The following CTNNA2 variants were observed in gnomAD, a reference collection of about 807,000 sequenced individuals.
The protein encoded by CTNNA2 is catenin alpha 2, also known as catenin alpha-2.
CTNNA2 carries 42 observed loss-of-function variants against 101.0 expected under a neutral mutation model. The ratio of observed to expected loss-of-function variants is 0.42; its 90% CI spans 0.32 to 0.54. CTNNA2 has a LOEUF of 0.54. Ranked by LOEUF, CTNNA2 falls within the 20% of genes least tolerant of loss-of-function variation. The pLI is 0.14. For missense variants in CTNNA2, 871 were observed against 1,223.1 expected (o/e 0.71, Z 4.29); for synonymous variants, 450 against 456.4 (o/e 0.99, Z 0.18).
At chr2:79,961,594 G>T (rs1005111399) in intron 7 of CTNNA2, among the ~76,000 whole-genome samples, 5 of 151,838 alleles carry the variant, frequency 3.3e-5, no homozygotes, top group African/African-American at 9.7e-5. Flanking sequence ...AGGCTGAGGC[G>T]GGCGGATCAC....
chr2:79,922,399 A>C (rs559230000), intron 7 of CTNNA2, among the ~76,000 whole-genome samples: 6 of 152,246 alleles, frequency 3.9e-5, no homozygotes, highest in African/African-American at 1.4e-4. Context: ...ATTTCACACT[A>C]TTATTCCTGA....
intron 2 of CTNNA2, among the ~76,000 whole-genome samples, chr2:79,659,406 T>C (rs1391131344): frequency 1.3e-5 from 2 of 151,888 alleles, no homozygotes; most frequent in Non-Finnish European, 2.9e-5. Context: ...TATTGATAAA[T>C]GAATACATTT....
chr2:79,960,856 C>T (rs1052555321), intron 7 of CTNNA2, among the ~76,000 whole-genome samples: 11 of 152,038 alleles, frequency 7.2e-5, no homozygotes, highest in African/African-American at 1.4e-4. Flanking sequence ...TTCTCTGGCC[C>T]GTGAGGGTGA....
At chr2:80,538,249 G>A (rs957317206) in intron 9 of CTNNA2, among the ~76,000 whole-genome samples, 3 of 152,106 alleles carry the variant, frequency 2.0e-5, no homozygotes, top group African/African-American at 7.2e-5. Flanking sequence ...TGTCAATTTT[G>A]GCTTTTGTTA....
intron 7 of CTNNA2, among the ~76,000 whole-genome samples, chr2:80,251,574 C>T (rs1191723082): frequency 6.6e-6 from 1 of 152,136 alleles, no homozygotes; most frequent in East Asian, 1.9e-4. Flanking sequence ...GAAAGCCAAC[C>T]AAACCAAAGA....
At chr2:79,695,338 C>T (rs917998583) in intron 2 of CTNNA2, among the ~76,000 whole-genome samples, 4 of 151,842 alleles carry the variant, frequency 2.6e-5, no homozygotes, top group African/African-American at 9.7e-5. Flanking sequence ...GATTTTATTT[C>T]TTATGAAGGG....
At chr2:79,397,721 T>C (rs1325691346) in intron 4 of CTNNA2, among the ~76,000 whole-genome samples, 1 of 152,106 alleles carries the variant, frequency 6.6e-6, no homozygotes, top group Non-Finnish European at 1.5e-5. Flanking sequence ...TGGAGTGCAG[T>C]GGCATGATCA....
chr2:79,577,382 A>T (rs1018859595), intron 1 of CTNNA2, among the ~76,000 whole-genome samples: 1 of 152,136 alleles, frequency 6.6e-6, no homozygotes. Flanking sequence ...TCATGAGATA[A>T]TGATTTATAT....
intron 7 of CTNNA2, among the ~76,000 whole-genome samples, chr2:79,962,169 A>G (rs964988305): frequency 1.3e-5 from 2 of 152,228 alleles, no homozygotes; most frequent in Non-Finnish European, 2.9e-5. Flanking sequence ...ACAAAATACC[A>G]CAATTGGCTG....
At chr2:79,429,757 G>C (rs576375723) in intron 4 of CTNNA2, among the ~76,000 whole-genome samples, 1 of 152,270 alleles carries the variant, frequency 6.6e-6, no homozygotes, top group African/African-American at 2.4e-5. Flanking sequence ...TTTTATTTGA[G>C]AGAAGGAACT....
At chr2:79,320,690 G>T (rs139928050) in intron 3 of CTNNA2, among the ~76,000 whole-genome samples, 1 of 152,090 alleles carries the variant, frequency 6.6e-6, no homozygotes, top group African/African-American at 2.4e-5. Flanking sequence ...CAGGCTTTGC[G>T]CAGAGGAACT....
intron 12 of CTNNA2, among the ~76,000 whole-genome samples, chr2:80,557,874 G>C (rs77583932): frequency 6.6e-6 from 1 of 151,982 alleles, no homozygotes. Context: ...ACAAATAGTC[G>C]TTCATCCTGG....
chr2:80,503,724 G>T (rs1382168222), intron 9 of CTNNA2, among the ~76,000 whole-genome samples: 1 of 152,140 alleles, frequency 6.6e-6, no homozygotes, highest in Non-Finnish European at 1.5e-5. Flanking sequence ...AAAAAGGGAA[G>T]CTCTGGCCAA....
intron 7 of CTNNA2, among the ~76,000 whole-genome samples, chr2:80,002,239 T>A (rs985988719): frequency 2.0e-5 from 3 of 152,204 alleles, no homozygotes; most frequent in Non-Finnish European, 2.9e-5. Flanking sequence ...AGCAACTTTT[T>A]AATGCCTAAG....
chr2:80,585,350 G>A (rs1695888625), intron 14 of CTNNA2, among the ~76,000 whole-genome samples: 1 of 152,106 alleles, frequency 6.6e-6, no homozygotes, highest in Non-Finnish European at 1.5e-5. Context: ...GGAAAGGCTG[G>A]GAGGGACTCT....
At chr2:80,427,179 G>A (rs925585965) in intron 9 of CTNNA2, among the ~76,000 whole-genome samples, 1 of 152,100 alleles carries the variant, frequency 6.6e-6, no homozygotes, top group Non-Finnish European at 1.5e-5. Context: ...GCCAGCTTTT[G>A]GGCCCCTGAG....
chr2:80,642,822 G>A (rs1673637275), intron 18 of CTNNA2, among the ~76,000 whole-genome samples: 1 of 152,240 alleles, frequency 6.6e-6, no homozygotes, highest in South Asian at 2.1e-4. Context: ...CACAAATATT[G>A]ATAAATGGAA....
chr2:80,450,993 A>AT (rs2149456159), intron 9 of CTNNA2, among the ~76,000 whole-genome samples: 1 of 151,722 alleles, frequency 6.6e-6, no homozygotes, highest in South Asian at 2.1e-4. Flanking sequence ...AAAAAAAAAA[A>AT]GTACTTTTCC....
At chr2:80,551,332 G>A (rs1244745371) in intron 11 of CTNNA2, among the ~76,000 whole-genome samples, 1 of 152,184 alleles carries the variant, frequency 6.6e-6, no homozygotes, top group East Asian at 1.9e-4. Context: ...TGGTAAATGA[G>A]CATTTGGTTC....
Sources: allele counts gnomAD v4.1 joint callset (sites outside exome capture counted in the v4.1 genomes callset), GRCh38; gene constraint gnomAD v4.1.1; transcripts MANE v1.5; gene names NCBI Gene and HGNC (gene_info 2026-07-23, HGNC 2026-07-21).